Variants in MBNL2 observed in about 807,000 individuals in gnomAD.
The protein encoded by MBNL2 is muscleblind-like protein 2.
Under a neutral mutation model 41.9 loss-of-function variants are expected in MBNL2, and 17 were observed. The ratio of observed to expected loss-of-function variants is 0.41; its 90% CI spans 0.28 to 0.61. MBNL2 has a LOEUF of 0.61. MBNL2 is among the 20% of genes least tolerant of loss of function. MBNL2 has a pLI of 0.35. For synonymous variants in MBNL2, 195 were observed against 182.9 expected (o/e 1.07, Z -0.53); for missense variants, 336 against 505.6 (o/e 0.66, Z 3.22).
chr13:97,215,635 T>C, the MBNL2 span, among the ~76,000 whole-genome samples: 4 of 152,160 alleles, frequency 2.6e-5, no homozygotes, highest in African/African-American at 9.7e-5. Flanking sequence ...GTAAGAAAAA[T>C]GTTTTTTTTC....
At chr13:97,383,903 A>T (rs868370188) in intron 8 of MBNL2, among the ~76,000 whole-genome samples, 256 of 145,606 alleles carry the variant, frequency 1.8e-3, no homozygotes, top group African/African-American at 6.1e-3. Flanking sequence ...TATATAATTA[A>T]TTTTTTTTTT....
At position 97,289,361 on chromosome 13, in the gene MBNL2, C is replaced by T. The variant is rs1594159598; in HGVS notation, c.174+12952C>T. 3.9e-5 allele frequency among the ~76,000 whole-genome samples: 6 copies of T among 152,286 alleles called. No individual in the cohort carries two copies. The East Asian group carries it at 1.2e-3, about 29-fold the overall frequency. On this transcript the variant is annotated intron_variant, in intron 2 of 8. Transcript: ENST00000679496. The stretch of plus-strand genomic sequence containing the variant: ...GACACTAAAATAATCATTTGCATAC[C>T]TGCCATGAAACTAGGCATTGACCCA...
chr13:97,362,324 G>A (rs548147239), intron 7 of MBNL2, among the ~76,000 whole-genome samples: 53 of 152,234 alleles, frequency 3.5e-4, no homozygotes, highest in African/African-American at 1.3e-3. Context: ...TGCTCAACCT[G>A]TACTATGAAT....
chr13:97,252,165 A>G (rs1350946547), intron 1 of MBNL2, among the ~76,000 whole-genome samples: 1 of 152,016 alleles, frequency 6.6e-6, no homozygotes, highest in Non-Finnish European at 1.5e-5. Flanking sequence ...CTCAATTCTT[A>G]TATATACTGG....
At chr13:97,161,480 G>T in the MBNL2 span, among the ~76,000 whole-genome samples, 1 of 152,300 alleles carries the variant, frequency 6.6e-6, no homozygotes, top group East Asian at 1.9e-4. Context: ...TTTTACTGTA[G>T]TGTGAAAGTC....
At chr13:97,177,071 C>T in the MBNL2 span, among the ~76,000 whole-genome samples, 2 of 152,278 alleles carry the variant, frequency 1.3e-5, no homozygotes, top group South Asian at 4.1e-4. Context: ...GGTGTGATGG[C>T]TCATACCTGT....
chr13:97,276,247 C>T lies in MBNL2; in HGVS notation c.12C>T (p.Asn4=), dbSNP rs763012634. The T allele has an allele frequency of 1.9e-5, 30 of 1,613,150 alleles. No individual in the cohort carries two copies. Among genetic ancestry groups the T allele is most frequent in the African/African-American group, 2.7e-5 (2 of 74,910 alleles). Residue 4 remains asparagine (N), a synonymous_variant, in exon 2 of 9, where the codon AAC becomes AAT. Transcript: ENST00000679496. MAL[N]VAPVRDTKWL... The stretch of plus-strand genomic sequence containing the variant: ...ATTACTTTATCACCATGGCTTTGAA[C>T]GTTGCCCCAGTCAGAGATACAAAAT...
intron 8 of MBNL2, among the ~76,000 whole-genome samples, chr13:97,375,672 A>G (rs1427912611): frequency 6.6e-6 from 1 of 152,178 alleles, no homozygotes; most frequent in Admixed American, 6.5e-5. Context: ...TCACAGCTCC[A>G]GTAGGTAGCA....
the MBNL2 span, chr13:97,172,857 G>A: frequency 6.6e-6 from 1 of 152,006 alleles, no homozygotes; most frequent in Non-Finnish European, 1.5e-5. Context: ...TTTCTTCTTT[G>A]GTGCTTCCTA....
chr13:97,364,716 C>G (rs559036709), intron 7 of MBNL2, among the ~76,000 whole-genome samples: 68 of 152,196 alleles, frequency 4.5e-4, no homozygotes, highest in African/African-American at 1.6e-3. Flanking sequence ...TTCTAGCCTT[C>G]CCCTTGACCC....
At chr13:97,379,401 CAAT>C (rs2065231910) in intron 8 of MBNL2, among the ~76,000 whole-genome samples, 2 of 152,224 alleles carry the variant, frequency 1.3e-5, no homozygotes, top group African/African-American at 2.4e-5. Context: ...TAATTTTTAA[CAAT>C]AATAATTTAA....
At chr13:97,208,234 T>A in the MBNL2 span, among the ~76,000 whole-genome samples, 2 of 152,250 alleles carry the variant, frequency 1.3e-5, no homozygotes, top group Non-Finnish European at 2.9e-5. Context: ...GATTCCCACA[T>A]AAGCCCAAAG....
intron 2 of MBNL2, among the ~76,000 whole-genome samples, chr13:97,296,365 A>G (rs1426169614): frequency 1.3e-5 from 2 of 152,218 alleles, no homozygotes; most frequent in African/African-American, 2.4e-5. Context: ...CTAATTACTT[A>G]TTAACCTTTA....
the MBNL2 span, among the ~76,000 whole-genome samples, chr13:97,157,331 C>T: frequency 1.3e-5 from 2 of 148,930 alleles, no homozygotes; most frequent in African/African-American, 5.0e-5. Context: ...ACAATCATGT[C>T]ATCTGCAAAC....
chr13:97,250,030 C>T (rs560940015), intron 1 of MBNL2, among the ~76,000 whole-genome samples: 9 of 152,306 alleles, frequency 5.9e-5, no homozygotes, highest in Admixed American at 5.9e-4. Context: ...CTGGTTGGTT[C>T]TTCTTTCTCA....
At chr13:97,169,861 T>C in the MBNL2 span, among the ~76,000 whole-genome samples, 1 of 152,232 alleles carries the variant, frequency 6.6e-6, no homozygotes, top group African/African-American at 2.4e-5. Flanking sequence ...CAATGCTTGA[T>C]GTGGCCCTTC....
intron 2 of MBNL2, among the ~76,000 whole-genome samples, chr13:97,295,872 G>C (rs577160337): frequency 7.9e-4 from 120 of 152,224 alleles, no homozygotes; most frequent in African/African-American, 2.7e-3. Context: ...ATAGAACAAA[G>C]TTTAAATACA....
At chr13:97,359,796 A>G (rs181780768) in intron 7 of MBNL2, among the ~76,000 whole-genome samples, 4 of 152,334 alleles carry the variant, frequency 2.6e-5, no homozygotes, top group Admixed American at 2.6e-4. Context: ...ATCAGAGTGA[A>G]CAAGCATGTG....
chr13:97,235,517 G>A (rs929096391), intron 1 of MBNL2, among the ~76,000 whole-genome samples: 27 of 152,208 alleles, frequency 1.8e-4, no homozygotes, highest in African/African-American at 6.3e-4. Context: ...CGGAATTCTT[G>A]TGAGTCCCCT....
Sources: gnomAD v4.1 joint callset for allele counts (sites outside exome capture counted in the v4.1 genomes callset) on GRCh38, gnomAD v4.1.1 for gene constraint, MANE v1.5 for transcripts, NCBI Gene and HGNC (gene_info 2026-07-23, HGNC 2026-07-21) for gene names.